Variants in UNC13C observed in about 807,000 individuals in gnomAD.
The protein encoded by UNC13C is unc-13 homolog C.
UNC13C carries 174 observed loss-of-function variants against 245.4 expected under a neutral mutation model. The observed-to-expected ratio is 0.71, with a 90% CI of 0.63 to 0.80. UNC13C has a LOEUF of 0.80. Ranked by LOEUF, UNC13C falls within the 30% of genes least tolerant of loss-of-function variation. The pLI, the probability that UNC13C is intolerant of heterozygous loss-of-function variation, is 0.00. For synonymous variants in UNC13C, 992 were observed against 895.1 expected (o/e 1.11, Z -1.93); for missense variants, 2,829 against 2,602.9 (o/e 1.09, Z -1.89).
At position 54,294,068 on chromosome 15, in the gene UNC13C, A is replaced by ATT. The variant is rs752280503; in HGVS notation, c.3988+14_3988+15dup. On this transcript the variant is annotated splice_donor_region_variant and intron_variant, in intron 11 of 32. Transcript: ENST00000260323. ...ATGGATGTCTGGTACAACTTAGGTG[A>ATT]TTTTTTTTTTTATCTACTTGAAAAC... is the stretch of plus-strand genomic sequence containing the variant. 42 of 1,226,236 alleles carry ATT rather than the reference A, an allele frequency of 3.4e-5. No homozygotes were observed. The highest frequency in any genetic ancestry group is 2.2e-4 in the African/African-American group (14 of 63,140). The allele number at this position is 1,226,236 out of a possible 1,614,324, so 76.0% of individuals were successfully genotyped here.
At chr15:54,359,777 T>G (rs960996101) in intron 17 of UNC13C, among the ~76,000 whole-genome samples, 1 of 151,964 alleles carries the variant, frequency 6.6e-6, no homozygotes. Flanking sequence ...TTATAATTGT[T>G]GTTTATTTTT....
intron 16 of UNC13C, among the ~76,000 whole-genome samples, chr15:54,337,183 T>G (rs1432917855): frequency 6.6e-6 from 1 of 152,198 alleles, no homozygotes; most frequent in Non-Finnish European, 1.5e-5. Flanking sequence ...ACTGCTTTAT[T>G]CCTTCTCATT....
At chr15:54,128,209 G>A (rs1344942767) in intron 2 of UNC13C, among the ~76,000 whole-genome samples, 1 of 152,096 alleles carries the variant, frequency 6.6e-6, no homozygotes, top group East Asian at 1.9e-4. Flanking sequence ...AGCTAATGAA[G>A]GAGGTGAAAG....
chr15:54,487,067 A>G (rs1289589927), intron 19 of UNC13C, among the ~76,000 whole-genome samples: 1 of 152,178 alleles, frequency 6.6e-6, no homozygotes, highest in Non-Finnish European at 1.5e-5. Context: ...CAGAGAGTAT[A>G]TCTATGAGGA....
chr15:54,505,918 G>C (rs1232603077), intron 22 of UNC13C, among the ~76,000 whole-genome samples: 3 of 151,922 alleles, frequency 2.0e-5, no homozygotes. Context: ...AAATTCAAGG[G>C]ACTAAGGTTT....
intron 2 of UNC13C, among the ~76,000 whole-genome samples, chr15:54,020,085 A>C (rs1487343291): frequency 6.6e-6 from 1 of 152,122 alleles, no homozygotes; most frequent in African/African-American, 2.4e-5. Flanking sequence ...GGTCAGGAGG[A>C]TGCAGTCTGG....
intron 17 of UNC13C, among the ~76,000 whole-genome samples, chr15:54,388,779 T>C (rs574200046): frequency 6.6e-6 from 1 of 152,178 alleles, no homozygotes; most frequent in East Asian, 1.9e-4. Flanking sequence ...CTCTCTCTTT[T>C]TGAGTAATCT....
the UNC13C span, among the ~76,000 whole-genome samples, chr15:53,960,266 T>C: frequency 2.6e-5 from 4 of 152,130 alleles, no homozygotes; most frequent in African/African-American, 4.8e-5. Context: ...CATAGGGAGT[T>C]GTGAGACTGA....
At chr15:54,522,018 A>G (rs1895239159) in intron 24 of UNC13C, among the ~76,000 whole-genome samples, 1 of 152,228 alleles carries the variant, frequency 6.6e-6, no homozygotes, top group African/African-American at 2.4e-5. Context: ...CAGTTATAGT[A>G]AAGAGCATAG....
chr15:54,548,208 C>CTTTTTTTTTTTTTTTTTTTTTT (rs60975842), intron 27 of UNC13C, among the ~76,000 whole-genome samples: 1 of 61,878 alleles, frequency 1.6e-5, no homozygotes, highest in Non-Finnish European at 3.9e-5. Context: ...GTTTCTTTTG[C>CTTTTTTTTTTTTTTTTTTTTTT]TTTTTTTTTT....
In UNC13C at chr15:54,314,946, A is replaced by ATT. The variant is rs35092136; in HGVS notation, c.4269-6985_4269-6984dup. ...TTTGGATTATCTCCAGGTACAAAGT[A>ATT]TTTTTTTTTCCTTCTGACTGTGGTA... is the stretch of plus-strand genomic sequence containing the variant. On this transcript the variant is annotated intron_variant, in intron 13 of 32. Coordinates refer to ENST00000260323, the MANE Select transcript of UNC13C (RefSeq NM_001080534.3). Among the ~76,000 whole-genome samples, 375 of 150,928 alleles carry ATT rather than the reference A, an allele frequency of 2.5e-3. 1 individual carries two copies. The highest frequency in any genetic ancestry group is 4.3e-3 in the Non-Finnish European group (288 of 67,512).
At chr15:54,093,210 A>T (rs1899663741) in intron 2 of UNC13C, among the ~76,000 whole-genome samples, 1 of 152,064 alleles carries the variant, frequency 6.6e-6, no homozygotes, top group Non-Finnish European at 1.5e-5. Flanking sequence ...AAAAAGCCAA[A>T]ATCAATCTTG....
intron 30 of UNC13C, among the ~76,000 whole-genome samples, chr15:54,603,027 C>T (rs1899530229): frequency 6.6e-6 from 1 of 152,170 alleles, no homozygotes; most frequent in Non-Finnish European, 1.5e-5. Flanking sequence ...CTGTTTAGTC[C>T]TTCCTCCATT....
chr15:54,275,697 T>C (rs1296958130), intron 10 of UNC13C, among the ~76,000 whole-genome samples: 4 of 152,146 alleles, frequency 2.6e-5, no homozygotes, highest in Non-Finnish European at 5.9e-5. Flanking sequence ...AGAATTCTCA[T>C]AGAACTGGAA....
chr15:54,179,871 A>T (rs572144254), intron 4 of UNC13C, among the ~76,000 whole-genome samples: 6 of 152,132 alleles, frequency 3.9e-5, no homozygotes, highest in Non-Finnish European at 7.4e-5. Flanking sequence ...TATCAAAGAA[A>T]AGGAAAAAAT....
chr15:54,482,186 A>G (rs576038929), intron 19 of UNC13C, among the ~76,000 whole-genome samples: 1 of 152,222 alleles, frequency 6.6e-6, no homozygotes, highest in East Asian at 1.9e-4. Flanking sequence ...TAGTGTCATG[A>G]TACTGCAGTC....
chr15:54,257,231 T>A (rs2036303197), intron 8 of UNC13C, among the ~76,000 whole-genome samples: 1 of 152,238 alleles, frequency 6.6e-6, no homozygotes, highest in African/African-American at 2.4e-5. Context: ...CTTGGTTTCT[T>A]CTCTTTCCTT....
At chr15:54,598,423 C>G (rs1035751027) in intron 30 of UNC13C, among the ~76,000 whole-genome samples, 20 of 152,104 alleles carry the variant, frequency 1.3e-4, no homozygotes, top group African/African-American at 4.6e-4. Flanking sequence ...TTCTAAAATT[C>G]CATGACACTG....
intron 4 of UNC13C, among the ~76,000 whole-genome samples, chr15:54,232,585 T>A (rs970115587): frequency 6.6e-6 from 1 of 152,112 alleles, no homozygotes; most frequent in African/African-American, 2.4e-5. Context: ...TAAAAGAAAA[T>A]TCACAACTCA....
Sources: allele counts gnomAD v4.1 joint callset (sites outside exome capture counted in the v4.1 genomes callset), GRCh38; gene constraint gnomAD v4.1.1; transcripts MANE v1.5; gene names NCBI Gene and HGNC (gene_info 2026-07-23, HGNC 2026-07-21).